NPHP1: variants seen among roughly 807,000 people sequenced by gnomAD.
The protein encoded by NPHP1 is nephrocystin-1.
NPHP1 carries 70 observed loss-of-function variants against 90.4 expected under a neutral mutation model. That is an observed-to-expected ratio of 0.77 (90% confidence interval 0.64 to 0.95). The LOEUF is 0.95. Ranked by LOEUF, NPHP1 falls within the 40% of genes least tolerant of loss-of-function variation. NPHP1 has a pLI of 0.00. For missense variants in NPHP1, 764 were observed against 795.9 expected (o/e 0.96, Z 0.48); for synonymous variants, 256 against 271.7 (o/e 0.94, Z 0.57).
intron 11 of NPHP1, among the ~76,000 whole-genome samples, chr2:110,153,428 C>A (rs1681637824): frequency 6.6e-6 from 1 of 151,982 alleles, no homozygotes; most frequent in Non-Finnish European, 1.5e-5. Context: ...TCAGGTTTTC[C>A]AAATTATGTT....
chr2:110,185,808 C>T (rs1344491837), intron 2 of NPHP1, among the ~76,000 whole-genome samples: 1 of 152,180 alleles, frequency 6.6e-6, no homozygotes, highest in Non-Finnish European at 1.5e-5. Context: ...AACAGGACCA[C>T]ACCAGCCACT....
intron 16 of NPHP1, among the ~76,000 whole-genome samples, chr2:110,137,766 G>T (rs1171027482): frequency 6.6e-6 from 1 of 151,270 alleles, no homozygotes; most frequent in Non-Finnish European, 1.5e-5. Context: ...AGTCAGTGTG[G>T]TGATTCCTCA....
intron 16 of NPHP1, among the ~76,000 whole-genome samples, chr2:110,135,314 A>C (rs929669889): frequency 7.3e-5 from 11 of 151,712 alleles, no homozygotes; most frequent in African/African-American, 2.4e-4. Context: ...CGTTTCTACT[A>C]AAAATACAAA....
At chr2:110,159,925 A>C (rs960995871) in intron 11 of NPHP1, among the ~76,000 whole-genome samples, 2 of 152,032 alleles carry the variant, frequency 1.3e-5, no homozygotes, top group Non-Finnish European at 2.9e-5. Flanking sequence ...TACACAATTA[A>C]AACTATAAAT....
At position 110,126,565 on chromosome 2, in the gene NPHP1, A is replaced by G. The variant is rs1396583471; in HGVS notation, c.1717-884T>C. 3 of 152,676 alleles carry G rather than the reference A, an allele frequency of 2.0e-5. No homozygotes were observed. The East Asian group carries it at 5.8e-4, about 29-fold the overall frequency. The allele number at this position is 152,676 out of a possible 1,614,324, so 9.5% of individuals were successfully genotyped here. A position where few individuals can be genotyped will look rare whatever the true frequency, so the allele number is the denominator to read the frequency against. ...GGGACTATGGTCCTCCACCCTATTA[A>G]CTGCTGTGCTATGGGTCCTTAGGAG... On this transcript the variant is annotated intron_variant, in intron 18 of 19. Transcript: ENST00000445609.
chr2:110,166,783 G>A lies in NPHP1; in HGVS notation c.625-1628C>T, dbSNP rs993340460. On this transcript the variant is annotated intron_variant, in intron 6 of 19. Coordinates refer to ENST00000445609, the MANE Select transcript of NPHP1 (RefSeq NM_001128178.3). Reference sequence around the variant, plus strand: ...ATCCCATGTTCTTTGCAACATAATCGATAGTGATTATAGGTTGGAAACAAC... The same window carrying A: ...ATCCCATGTTCTTTGCAACATAATCAATAGTGATTATAGGTTGGAAACAAC... Among the ~76,000 whole-genome samples, 7 of 152,008 alleles carry A rather than the reference G, an allele frequency of 4.6e-5. No individual in the cohort carries two copies. In the South Asian group the frequency reaches 6.2e-4, roughly 14 times the overall value.
rs528230848 is a variant in NPHP1 at position 110,190,508 on chromosome 2, C to T, written c.144-10824G>A. Among the ~76,000 whole-genome samples, 6 of 152,318 alleles carry T rather than the reference C, an allele frequency of 3.9e-5. No homozygotes were observed. In the South Asian group the frequency reaches 8.3e-4, roughly 21 times the overall value. ...CCAAGTGCAGAGTCCACGGAGCCCA[C>T]GCCCACCCGGAACTCACGCTGGCCC... is the stretch of plus-strand genomic sequence containing the variant. On this transcript the variant is annotated intron_variant, in intron 2 of 19. Transcript: ENST00000445609.
chr2:110,164,190 C>T, intron 8 of NPHP1: 1 of 342,188 alleles, frequency 2.9e-6, no homozygotes, highest in Non-Finnish European at 5.5e-6. Flanking sequence ...GCATGAGCCA[C>T]CACACCTGGC....
At position 110,196,970 on chromosome 2, in the gene NPHP1, T is replaced by G. The variant is rs1045141373; in HGVS notation, c.143+4451A>C. On this transcript the variant is annotated intron_variant, in intron 2 of 19. Coordinates refer to ENST00000445609, the MANE Select transcript of NPHP1 (RefSeq NM_001128178.3). ...AGCCATAAAAAGGAACAAAATCATG[T>G]CCTTTGGAGGGACATGGTTACAGTT... is the stretch of plus-strand genomic sequence containing the variant. 9.9e-5 allele frequency among the ~76,000 whole-genome samples: 15 copies of G among 152,126 alleles called. 1 individual carries two copies. The highest frequency in any genetic ancestry group is 3.6e-4 in the African/African-American group (15 of 41,422).
chr2:110,125,900 A>C (rs1679326783), intron 18 of NPHP1: 2 of 576,642 alleles, frequency 3.5e-6, no homozygotes, highest in Non-Finnish European at 3.1e-6. Context: ...GTAGAAGCCC[A>C]TGATAATTAT....
intron 16 of NPHP1, among the ~76,000 whole-genome samples, chr2:110,135,089 G>C (rs1474435090): frequency 6.6e-6 from 1 of 151,960 alleles, no homozygotes; most frequent in African/African-American, 2.4e-5. Flanking sequence ...TAAATGACTA[G>C]CAAAGTTGCA....
chr2:110,138,501 G>C (rs1408681598), intron 16 of NPHP1, among the ~76,000 whole-genome samples: 2 of 152,006 alleles, frequency 1.3e-5, no homozygotes, highest in Non-Finnish European at 2.9e-5. Flanking sequence ...GCTAAATTCT[G>C]ATCTTGTATA....
In NPHP1 at chr2:110,165,149, T is replaced by C. The variant is rs566201874; in HGVS notation, c.631A>G (p.Ser211Gly). ...GACTCTTGGCCTTCTTCTTCTTCAC[T>C]ATAAGGCTAAAAAACCATTGAAATG... is the stretch of plus-strand genomic sequence containing the variant. ...LVPRTYLEPYSEEEEGQESSE... is the reference protein window; with the variant it reads ...LVPRTYLEPYGEEEEGQESSE... Residue 211 changes from serine to glycine, a missense_variant, in exon 7 of 20, where the codon AGT becomes GGT. Coordinates refer to ENST00000445609, the MANE Select transcript of NPHP1 (RefSeq NM_001128178.3). 1.2e-6 allele frequency: 2 copies of C among 1,611,442 alleles called. No homozygotes were observed. Among genetic ancestry groups the C allele is most frequent in the African/African-American group, 2.7e-5 (2 of 74,970 alleles).
At chr2:110,149,033 G>C (rs1681270628) in intron 12 of NPHP1, among the ~76,000 whole-genome samples, 1 of 152,168 alleles carries the variant, frequency 6.6e-6, no homozygotes, top group Non-Finnish European at 1.5e-5. Context: ...ATCTGCCTGA[G>C]TGGTAGTTAC....
At chr2:110,126,581 T>G (rs187244249) in intron 18 of NPHP1, 3 of 152,664 alleles carry the variant, frequency 2.0e-5, no homozygotes, top group Non-Finnish European at 2.9e-5. Context: ...GTGCTATGGG[T>G]CCTTAGGAGT....
chr2:110,156,816 C>A (rs970270205), intron 11 of NPHP1, among the ~76,000 whole-genome samples: 1 of 146,568 alleles, frequency 6.8e-6, no homozygotes, highest in Non-Finnish European at 1.5e-5. Context: ...TTCTCTCTGT[C>A]ACCAGGCTGG....
At chr2:110,189,983 C>T (rs1296012293) in intron 2 of NPHP1, among the ~76,000 whole-genome samples, 1 of 152,134 alleles carries the variant, frequency 6.6e-6, no homozygotes, top group South Asian at 2.1e-4. Context: ...CAAGGCTCCA[C>T]CAGAGTAGCT....
In NPHP1 at chr2:110,148,166, T is replaced by A. The variant is rs1509416; in HGVS notation, c.1159-140A>T. The A allele has an allele frequency of 0.34, 236,048 of 701,596 alleles. 43,210 individuals carry two copies. The highest frequency in any genetic ancestry group is 0.58 in the East Asian group (21,310 of 36,840). 43.5% of individuals were successfully genotyped at this position (701,596 alleles called of 1,614,324 possible). A position where few individuals can be genotyped will look rare whatever the true frequency, so the allele number is the denominator to read the frequency against. Reference sequence around the variant, plus strand: ...TGAAGGTGAGGCCTGGTGGGAGGTGTTTGGGTCATGAGGGCAGATCCCTCA... The same window carrying A: ...TGAAGGTGAGGCCTGGTGGGAGGTGATTGGGTCATGAGGGCAGATCCCTCA... On this transcript the variant is annotated intron_variant, in intron 12 of 19. Coordinates refer to ENST00000445609, the MANE Select transcript of NPHP1 (RefSeq NM_001128178.3).
At chr2:110,201,117 A>G (rs1383847165) in intron 2 of NPHP1, among the ~76,000 whole-genome samples, 3 of 152,166 alleles carry the variant, frequency 2.0e-5, no homozygotes, top group African/African-American at 2.4e-5. Flanking sequence ...TGACATCCCA[A>G]TGAAGTACTA....
Sources: gnomAD v4.1 joint callset for allele counts (sites outside exome capture counted in the v4.1 genomes callset) on GRCh38, gnomAD v4.1.1 for gene constraint, MANE v1.5 for transcripts, NCBI Gene and HGNC (gene_info 2026-07-23, HGNC 2026-07-21) for gene names.